The following LRP6 variants were observed in gnomAD, a reference collection of about 807,000 sequenced individuals.
LRP6 encodes the protein low-density lipoprotein receptor-related protein 6.
A neutral mutation model predicts 184.1 loss-of-function variants in LRP6; 43 were observed. The observed-to-expected ratio is 0.23, with a 90% confidence interval of 0.18 to 0.30. The LOEUF is 0.30. Ranked by LOEUF, LRP6 falls within the 10% of genes least tolerant of loss-of-function variation. The pLI, the probability that LRP6 is intolerant of heterozygous loss-of-function variation, is 1.00. For synonymous variants in LRP6, 719 were observed against 684.9 expected, an observed-to-expected ratio of 1.05 and a Z score of -0.78; for missense variants, 1,571 against 2,005.3, an observed-to-expected ratio of 0.78 and a Z score of 4.14.
intron 7 of LRP6, among the ~76,000 whole-genome samples, chr12:12,167,995 C>T (rs957438637): frequency 6.6e-6 from 1 of 152,160 alleles, no homozygotes; most frequent in Non-Finnish European, 1.5e-5. Flanking sequence ...ATTTCCTACT[C>T]CCATTTTTAT....
At chr12:12,227,896 A>G (rs1457018863) in intron 2 of LRP6, among the ~76,000 whole-genome samples, 2 of 152,190 alleles carry the variant, frequency 1.3e-5, no homozygotes, top group Non-Finnish European at 2.9e-5. Flanking sequence ...GTTCTAAAAA[A>G]TGGTCTTTTA....
rs773433068 is a variant in LRP6 at position 12,130,876 on chromosome 12, G to C, written c.3988C>G (p.Gln1330Glu). Residue 1330 changes from glutamine to glutamate, a missense_variant, in exon 19 of 23, where the codon CAG becomes GAG. Physicochemically the swap from Gln to Glu is conservative, Grantham distance 29. Coordinates refer to ENST00000261349, the MANE Select transcript of LRP6 (RefSeq NM_002336.3). Reference protein sequence around the residue: ...KNCEVLCLIDQFRCANGQCIG... With the variant: ...KNCEVLCLIDEFRCANGQCIG... Reference sequence around the variant, plus strand: ...CACTGACCATTGGCACAGCGGAACTGATCAATTAAACAAAGCACTGGAAAA... The same window carrying C: ...CACTGACCATTGGCACAGCGGAACTCATCAATTAAACAAAGCACTGGAAAA... 3 of 1,602,510 alleles carry C rather than the reference G, an allele frequency of 1.9e-6. No homozygotes were observed. Among genetic ancestry groups the C allele is most frequent in the South Asian group, 2.2e-5 (2 of 90,864 alleles).
rs200871256 is a variant in LRP6, at chr12:12,147,580, T to C, written c.3207-24A>G. The C allele has an allele frequency of 1.2e-4, 188 of 1,573,026 alleles. No individual in the cohort carries two copies. In the African/African-American group the frequency reaches 2.4e-3, roughly 20 times the overall value. ...ACCTAGAGGGAAAGGAGGAAAAAAA[T>C]AAGTTACTGGAGTAAGAAACCACAT... is the stretch of plus-strand genomic sequence containing the variant. On this transcript the variant is annotated intron_variant, in intron 14 of 22. Coordinates refer to ENST00000261349, the MANE Select transcript of LRP6 (RefSeq NM_002336.3).
At chr12:12,175,487 AC>A (rs973467575) in intron 7 of LRP6, among the ~76,000 whole-genome samples, 16 of 151,830 alleles carry the variant, frequency 1.1e-4, no homozygotes, top group African/African-American at 3.4e-4. Context: ...GGAGATCGAG[AC>A]CAGCCTGGCT....
At chr12:12,187,475 A>T in intron 3 of LRP6, 1 of 324,100 alleles carries the variant, frequency 3.1e-6, no homozygotes, top group Non-Finnish European at 5.9e-6. Flanking sequence ...CCACCCTTTC[A>T]CACAATTCAT....
chr12:12,184,244 T>C (rs1863414230), intron 4 of LRP6, 133 bp from the exon 5 acceptor site: 1 of 724,528 alleles, frequency 1.4e-6, no homozygotes, highest in South Asian at 1.5e-5. Flanking sequence ...TATCAAACCA[T>C]CTGCAAAGAC....
chr12:12,200,730 CT>C (rs1291666743), intron 3 of LRP6, among the ~76,000 whole-genome samples: 1 of 152,144 alleles, frequency 6.6e-6, no homozygotes, highest in East Asian at 1.9e-4. Flanking sequence ...CTTGTTTGTC[CT>C]TTATGGCAAC....
intron 2 of LRP6, among the ~76,000 whole-genome samples, chr12:12,242,241 T>A (rs1039929833): frequency 3.3e-5 from 5 of 152,154 alleles, no homozygotes; most frequent in African/African-American, 1.2e-4. Flanking sequence ...ATAATGCAAA[T>A]AAACATGCTT....
intron 2 of LRP6, among the ~76,000 whole-genome samples, chr12:12,233,869 C>A (rs375915249): frequency 6.6e-4 from 100 of 151,626 alleles, no homozygotes; most frequent in East Asian, 1.5e-3. Flanking sequence ...AAAAAAAAAA[C>A]CAGCCTAAAA....
chr12:12,134,641 C>T (rs1437083232), intron 17 of LRP6, among the ~76,000 whole-genome samples: 1 of 152,022 alleles, frequency 6.6e-6, no homozygotes, highest in Non-Finnish European at 1.5e-5. Context: ...AATATTCTTT[C>T]CATCAGACAC....
At chr12:12,142,045 AAG>A (rs1205965787) in intron 15 of LRP6, among the ~76,000 whole-genome samples, 4 of 152,208 alleles carry the variant, frequency 2.6e-5, no homozygotes, top group Admixed American at 1.3e-4. Context: ...TAACGTCTAA[AAG>A]AGAAAAATCA....
intron 15 of LRP6, chr12:12,138,868 T>G: frequency 2.9e-6 from 4 of 1,376,954 alleles, no homozygotes; most frequent in Non-Finnish European, 3.9e-6. Flanking sequence ...GGAGCAGTGG[T>G]GGTGGACCCA....
At chr12:12,197,647 T>G (rs545652832) in intron 3 of LRP6, among the ~76,000 whole-genome samples, 1 of 152,234 alleles carries the variant, frequency 6.6e-6, no homozygotes, top group Admixed American at 6.5e-5. Context: ...ATCTAGCATA[T>G]GCAGGAGCAA....
At chr12:12,134,709 A>C (rs1482552008) in intron 17 of LRP6, among the ~76,000 whole-genome samples, 1 of 152,212 alleles carries the variant, frequency 6.6e-6, no homozygotes, top group African/African-American at 2.4e-5. Context: ...GAGAGATTAC[A>C]GGAGGTAGAA....
intron 20 of LRP6, among the ~76,000 whole-genome samples, 172 bp from the exon 21 acceptor site, chr12:12,125,604 G>A (rs1217948150): frequency 2.6e-5 from 4 of 152,082 alleles, no homozygotes; most frequent in South Asian, 2.1e-4. Context: ...GGAAATGAAC[G>A]TTTTCTAGAA....
At chr12:12,171,527 AAAAT>A (rs1347665501) in intron 7 of LRP6, among the ~76,000 whole-genome samples, 28 of 99,118 alleles carry the variant, frequency 2.8e-4, no homozygotes, top group East Asian at 1.8e-3. Context: ...GTCTCAAAAA[AAAAT>A]AAAATAAATA....
At chr12:12,166,366 T>G (rs753887456) in intron 7 of LRP6, among the ~76,000 whole-genome samples, 3 of 152,194 alleles carry the variant, frequency 2.0e-5, no homozygotes, top group Non-Finnish European at 4.4e-5. Flanking sequence ...GGTCATATAC[T>G]TAACAGTGAA....
At chr12:12,233,827 T>G (rs1467792101) in intron 2 of LRP6, among the ~76,000 whole-genome samples, 1 of 152,122 alleles carries the variant, frequency 6.6e-6, no homozygotes, top group Non-Finnish European at 1.5e-5. Context: ...GATATCGATG[T>G]GTGAATCTGC....
In LRP6 at chr12:12,261,999, T is replaced by G. The variant is rs141714406; in HGVS notation, c.55+4682A>C. On this transcript the variant is annotated intron_variant, in intron 1 of 22. Coordinates refer to ENST00000261349, the MANE Select transcript of LRP6 (RefSeq NM_002336.3). ...GGCTCACGCCTGTAATCCCAACACT[T>G]TGGGAGGCAGAGGTGGGTGGATCAC... Among the ~76,000 whole-genome samples the G allele has an allele frequency of 2.6e-5, 4 of 152,126 alleles. 1 individual carries two copies. Among genetic ancestry groups the G allele is most frequent in the African/African-American group, 9.6e-5 (4 of 41,522 alleles).
Sources: gnomAD v4.1 joint callset for allele counts (sites outside exome capture counted in the v4.1 genomes callset) on GRCh38, gnomAD v4.1.1 for gene constraint, MANE v1.5 for transcripts, NCBI Gene and HGNC (gene_info 2026-07-23, HGNC 2026-07-21) for gene names.